Variants in DHX9 observed in about 807,000 individuals in gnomAD.
The protein encoded by DHX9 is DExH-box helicase 9.
In DHX9, 27 loss-of-function variants were observed where a neutral mutation model predicts 148.7. The ratio of observed to expected loss-of-function variants is 0.18; its 90% CI spans 0.13 to 0.25. The LOEUF is 0.25. Among genes scored for constraint, DHX9 ranks in the 10% least tolerant of loss-of-function variants. DHX9 has a pLI of 1.00. For synonymous variants in DHX9, 529 were observed against 516.6 expected, an observed-to-expected ratio of 1.02 and a Z score of -0.33; for missense variants, 796 against 1,559.6, an observed-to-expected ratio of 0.51 and a Z score of 8.25.
At chr1:182,846,000 C>G (rs1325223606) in intron 3 of DHX9, among the ~76,000 whole-genome samples, 2 of 152,018 alleles carry the variant, frequency 1.3e-5, no homozygotes, top group Non-Finnish European at 2.9e-5. Flanking sequence ...AAATCGTTGG[C>G]CATTGGTGAC....
chr1:182,853,885 G>A, intron 5 of DHX9, 145 bp from the exon 6 acceptor site: 1 of 671,418 alleles, frequency 1.5e-6, no homozygotes. Context: ...AGTAATTCTG[G>A]TTCAGTTTTT....
At position 182,868,538 on chromosome 1, in the gene DHX9, G is replaced by T. The variant is rs1254403252; in HGVS notation, c.1557+1495G>T. On this transcript the variant is annotated intron_variant, in intron 14 of 27. Transcript: ENST00000367549. ...TTAATTCCTTTTTTTTTTTTTTGAG[G>T]AGTCTTGCCCTTGTTACCTAGGCTA... is the stretch of plus-strand genomic sequence containing the variant. Among the ~76,000 whole-genome samples the T allele has an allele frequency of 3.1e-5, 3 of 95,556 alleles. No individual in the cohort carries two copies. In the African/African-American group the frequency reaches 3.4e-4, roughly 11 times the overall value. The allele number at this position is 95,556 out of a possible 152,430, so 62.7% of individuals were successfully genotyped here. A position where few individuals can be genotyped will look rare whatever the true frequency, so the allele number is the denominator to read the frequency against.
chr1:182,853,896 G>C, intron 5 of DHX9, 134 bp from the exon 6 acceptor site: 1 of 753,660 alleles, frequency 1.3e-6, no homozygotes, highest in Non-Finnish European at 2.1e-6. Context: ...TTCAGTTTTT[G>C]ACTAGGATTA....
At chr1:182,870,931 TTGG>T (rs1648529210) in intron 14 of DHX9, among the ~76,000 whole-genome samples, 1 of 152,208 alleles carries the variant, frequency 6.6e-6, no homozygotes. Flanking sequence ...TGTTCAAAAT[TTGG>T]TGTGTGTTTT....
At chr1:182,859,195 T>C in intron 11 of DHX9, 78 bp downstream of exon 11, 1 of 1,340,796 alleles carries the variant, frequency 7.5e-7, no homozygotes, top group Non-Finnish European at 1.1e-6. Flanking sequence ...CAATGAGCAG[T>C]ACATTTTGCC....
In DHX9 at chr1:182,854,041, A is replaced by G. The variant is rs371618434; in HGVS notation, c.489A>G (p.Ser163=). The change falls in exon 6 of 28, where the codon TCA becomes TCG. Residue 163 remains serine (S), a synonymous_variant. Coordinates refer to ENST00000367549, the MANE Select transcript of DHX9 (RefSeq NM_001357.5). ...CATTGATTCTACAGACTCTAGAATCAGAAGAAGTGGATTTAAATGCTGGGC... is the reference window on the plus strand; with the variant it reads ...CATTGATTCTACAGACTCTAGAATCGGAAGAAGTGGATTTAAATGCTGGGC... ...EEQEVQATLE[S]EEVDLNAGLH... 3 of 1,612,166 alleles carry G rather than the reference A, an allele frequency of 1.9e-6. No homozygotes were observed. In the Admixed American group the frequency reaches 5.0e-5, roughly 27 times the overall value.
At chr1:182,848,257 C>T (rs1313724218) in intron 3 of DHX9, among the ~76,000 whole-genome samples, 2 of 152,176 alleles carry the variant, frequency 1.3e-5, no homozygotes, top group African/African-American at 4.8e-5. Context: ...AACTGGAGAC[C>T]ATTTTGTCCC....
intron 27 of DHX9, 31 bp downstream of exon 27, chr1:182,884,844 A>G (rs779241529): frequency 1.7e-5 from 27 of 1,603,054 alleles, no homozygotes; most frequent in South Asian, 5.5e-5. Flanking sequence ...TACTGAACCA[A>G]GTAGAGGGGA....
At chr1:182,871,164 G>A (rs1648537687) in intron 14 of DHX9, among the ~76,000 whole-genome samples, 1 of 152,042 alleles carries the variant, frequency 6.6e-6, no homozygotes, top group Non-Finnish European at 1.5e-5. Context: ...TGTTAGTATA[G>A]GAATATATAA....
At chr1:182,879,688 A>C (rs943855747) in intron 21 of DHX9, among the ~76,000 whole-genome samples, 1 of 152,154 alleles carries the variant, frequency 6.6e-6, no homozygotes, top group African/African-American at 2.4e-5. Context: ...AACATAACTT[A>C]CTCATGATAC....
chr1:182,866,312 T>G, intron 12 of DHX9, 132 bp from the exon 13 acceptor site: 4 of 906,522 alleles, frequency 4.4e-6, no homozygotes, highest in Non-Finnish European at 6.5e-6. Flanking sequence ...TAGTATTTTT[T>G]GTACATTTAT....
chr1:182,856,593 T>TA lies in DHX9; in HGVS notation c.673+15_673+16insA. ...GCTGGGCAGAAGTAAGTGTTACTGT[T>TA]TCCCCAATATTCCAAGTCTCTGTAT... On this transcript the variant is annotated intron_variant, in intron 7 of 27. Coordinates refer to ENST00000367549, the MANE Select transcript of DHX9 (RefSeq NM_001357.5). 6.2e-7 allele frequency: 1 copy of TA among 1,611,582 alleles called. No individual in the cohort carries two copies. Among genetic ancestry groups the TA allele is most frequent in the Non-Finnish European group, 8.5e-7 (1 of 1,177,868 alleles).
At chr1:182,882,760 G>A (rs1404369541) in intron 24 of DHX9, among the ~76,000 whole-genome samples, 1 of 151,892 alleles carries the variant, frequency 6.6e-6, no homozygotes, top group Non-Finnish European at 1.5e-5. Flanking sequence ...AGCTACTTGG[G>A]AGGCTGAGGC....
In DHX9 at chr1:182,858,279, A is replaced by T. The variant is rs768242703; in HGVS notation, c.810+39A>T. 1.7e-5 allele frequency: 27 copies of T among 1,595,976 alleles called. No homozygotes were observed. In the South Asian group the frequency reaches 3.1e-4, roughly 18 times the overall value. On this transcript the variant is annotated intron_variant, in intron 8 of 27. Coordinates refer to ENST00000367549, the MANE Select transcript of DHX9 (RefSeq NM_001357.5). The stretch of plus-strand genomic sequence containing the variant: ...TTTAATAGACTTGTGAGATAGTGTG[A>T]GATTCAATTTAGCTCTTGTTTAGTG...
intron 12 of DHX9, among the ~76,000 whole-genome samples, chr1:182,865,162 G>A (rs1205246167): frequency 1.3e-5 from 2 of 152,202 alleles, no homozygotes; most frequent in Non-Finnish European, 2.9e-5. Flanking sequence ...TGGAAAGGAC[G>A]CAGAAAACTT....
chr1:182,886,152 C>T (rs1422135381), intron 27 of DHX9, among the ~76,000 whole-genome samples: 7 of 151,412 alleles, frequency 4.6e-5, no homozygotes, highest in Non-Finnish European at 5.9e-5. Context: ...AGACAGATTA[C>T]AGTCATTTAT....
intron 3 of DHX9, among the ~76,000 whole-genome samples, chr1:182,849,948 A>AG (rs1668102005): frequency 5.7e-5 from 1 of 17,494 alleles, no homozygotes; most frequent in African/African-American, 6.4e-5. Context: ...TTGCCATATC[A>AG]AAAAAACTGG....
chr1:182,860,135 A>T lies in DHX9; in HGVS notation c.1283A>T (p.Asp428Val). The T allele has an allele frequency of 6.2e-7, 1 of 1,613,434 alleles. No individual in the cohort carries two copies. Among genetic ancestry groups the T allele is most frequent in the Non-Finnish European group, 8.5e-7 (1 of 1,179,800 alleles). The change falls in exon 12 of 28, where the codon GAC (aspartate) becomes GTC (valine). Residue 428 changes from aspartate to valine, a missense_variant. This residue lies in a region of DHX9 where 58 missense variants were observed against 122.8 expected (regional missense o/e 0.47). Transcript: ENST00000367549. ...TTQVPQFILD[D>V]FIQNDRAAEC... ...CAGGTTCCCCAGTTCATTCTAGATG[A>T]CTTTATCCAGAATGACCGAGCAGCA...
Position 182,876,914 on chromosome 1 carries a change from G to A in DHX9, c.2198+11G>A. 11 of 1,602,072 alleles carry A rather than the reference G, an allele frequency of 6.9e-6. No homozygotes were observed. The highest frequency in any genetic ancestry group is 9.4e-6 in the Non-Finnish European group (11 of 1,170,548). On this transcript the variant is annotated intron_variant, in intron 19 of 27. Transcript: ENST00000367549. ...CATTGACTCCTGCAAGTAAGTTACT[G>A]GGAAACCTATTTGTCTGCTCCAGTG...
Sources: allele counts gnomAD v4.1 joint callset (sites outside exome capture counted in the v4.1 genomes callset), GRCh38; gene constraint gnomAD v4.1.1; regional missense constraint gnomAD v4.1.1; transcripts MANE v1.5; gene names NCBI Gene and HGNC (gene_info 2026-07-23, HGNC 2026-07-21).